PLEC: variants seen among roughly 807,000 people sequenced by gnomAD.
The protein encoded by PLEC is hemidesmosomal protein 1.
In PLEC, 216 loss-of-function variants were observed where a neutral mutation model predicts 392.8. That is an observed-to-expected ratio of 0.55 (90% confidence interval 0.49 to 0.62). PLEC has a LOEUF of 0.62. Among genes scored for constraint, PLEC ranks in the 20% least tolerant of loss-of-function variants. The pLI is 0.00. For missense variants in PLEC, 6,863 were observed against 6,563.4 expected (o/e 1.05, Z -1.58); for synonymous variants, 3,621 against 2,980.6 (o/e 1.21, Z -7.00).
At position 143,936,847 on chromosome 8, in the gene PLEC, A is replaced by G. The variant is rs1454912816; in HGVS notation, c.435+132T>C. 5.5e-6 allele frequency: 4 copies of G among 729,246 alleles called. No individual in the cohort carries two copies. The East Asian group carries it at 7.5e-5, about 14-fold the overall frequency. The allele number at this position is 729,246 out of a possible 1,614,324, so 45.2% of individuals were successfully genotyped here. A position where few individuals can be genotyped will look rare whatever the true frequency, so the allele number is the denominator to read the frequency against. ...GCTGGCAGGAAGGCACCCAGGTGCC[A>G]CCATACCTACGGCGCCAGTCACCTC... On this transcript the variant is annotated intron_variant, in intron 5 of 31. Coordinates refer to ENST00000345136, the MANE Select transcript of PLEC (RefSeq NM_201384.3).
In PLEC at chr8:143,933,071, C is replaced by T. The variant is rs371046649; in HGVS notation, c.1459G>A (p.Glu487Lys). ...CCTGCCTTCAGCCGTAGGTTGTACT[C>T]GGTGCGGATGGCTACCAGGCGCTCG... is the stretch of plus-strand genomic sequence containing the variant. ...LHERLVAIRTEYNLRLKAGVA... is the reference protein window; with the variant it reads ...LHERLVAIRTKYNLRLKAGVA... The change falls in exon 14 of 32, where the codon GAG (glutamate) becomes AAG (lysine). Residue 487 changes from glutamate to lysine, a missense_variant. Physicochemically the swap from Glu to Lys is moderately conservative, Grantham distance 56. Transcript: ENST00000345136. 8.2e-6 allele frequency: 13 copies of T among 1,589,832 alleles called. No individual in the cohort carries two copies. The highest frequency in any genetic ancestry group is 6.8e-5 in the South Asian group (6 of 88,542).
At chr8:143,926,676 TG>T in intron 30 of PLEC, 107 bp downstream of exon 30, 2 of 916,952 alleles carry the variant, frequency 2.2e-6, no homozygotes, top group Non-Finnish European at 1.8e-6. Context: ...GTGGGGAGAG[TG>T]GGGAGGGCCA....
upstream of PLEC, among the ~76,000 whole-genome samples, chr8:143,943,209 C>T (rs1178572711): frequency 2.6e-5 from 4 of 152,228 alleles, no homozygotes; most frequent in African/African-American, 9.6e-5. Flanking sequence ...ATAGGCAGTC[C>T]CTCTGGCCAG....
At chr8:143,956,103 G>T (rs1436268800), upstream of PLEC, among the ~76,000 whole-genome samples, 1 of 151,906 alleles carries the variant, frequency 6.6e-6, no homozygotes, top group East Asian at 1.9e-4. Flanking sequence ...GTGTGCCACC[G>T]CACCGGGCTA....
chr8:143,946,555 CGACTGACGGGTCAGACCAGCCCAGCA>C (rs1831508723), intron 1 of PLEC: 1 of 420,788 alleles, frequency 2.4e-6, no homozygotes, highest in African/African-American at 2.1e-5. Context: ...GAAGCCCAGC[CGACTGACGGGTCAGACCAGCCCAGCA>C]GACCTGCCTG....
rs1169684286 is a variant in PLEC at position 143,944,780 on chromosome 8, C to T, written c.523+5404G>A. ...GGCAGCGTCGGGTGGGAGGAGGGCA[C>T]GGCCGTGCTGCTGTCAGCAGCAGCT... On this transcript the variant is annotated intron_variant, in intron 1 of 31. Coordinates refer to the PLEC transcript ENST00000322810. 1.3e-5 allele frequency: 14 copies of T among 1,111,968 alleles called. No homozygotes were observed. In the East Asian group the frequency reaches 1.6e-4, roughly 13 times the overall value. 68.9% of individuals were successfully genotyped at this position (1,111,968 alleles called of 1,614,324 possible).
upstream of PLEC, among the ~76,000 whole-genome samples, chr8:143,974,201 GC>G (rs1833576555): frequency 6.6e-6 from 1 of 152,218 alleles, no homozygotes; most frequent in African/African-American, 2.4e-5. This position sits in a 1 kb window ranked among gnomAD's most constrained non-coding sequence, Gnocchi z 5.9. Flanking sequence ...AGGACGCAGA[GC>G]CCCGGCGCGG....
upstream of PLEC, chr8:143,954,019 G>T (rs1460331946): frequency 3.3e-6 from 3 of 914,264 alleles, no homozygotes; most frequent in African/African-American, 3.6e-5. The surrounding 1 kb of genome is among the most constrained non-coding windows in gnomAD (Gnocchi z 4.6). Context: ...GCTAACCCCA[G>T]CCAGACTGCC....
chr8:143,968,544 A>T (rs1554743070), intron 1 of PLEC, among the ~76,000 whole-genome samples: 1 of 151,572 alleles, frequency 6.6e-6, no homozygotes, highest in Non-Finnish European at 1.5e-5. Context: ...AAAAAAAAAA[A>T]AAAGACACCA....
upstream of PLEC, chr8:143,943,992 C>A (rs902233906): frequency 7.1e-5 from 109 of 1,524,950 alleles, no homozygotes; most frequent in African/African-American, 1.5e-3. Context: ...CGAGGGGGAG[C>A]GCCGGGACCG....
Position 143,929,734 on chromosome 8 carries a change from G to A in PLEC, c.2835C>T (p.Gly945=), listed in dbSNP as rs781958943. ...CCATCAGCCGGTCCTCGGGTCCGAA[G>A]CCGCCCGCGTCCTGGCTGTCCCGCA... The part of the protein sequence containing the change: ...AFLRDSQDAG[G]FGPEDRLMAE... The change falls in exon 23 of 32, where the codon GGC becomes GGT. Residue 945 remains glycine (G), a synonymous_variant. Transcript: ENST00000345136. 6.3e-7 allele frequency: 1 copy of A among 1,599,470 alleles called. No individual in the cohort carries two copies. The highest frequency in any genetic ancestry group is 8.5e-7 in the Non-Finnish European group (1 of 1,179,104).
At position 143,917,197 on chromosome 8, in the gene PLEC, G is replaced by A; in HGVS notation, c.12624C>T (p.Ala4208=). 1 of 1,612,886 alleles carries A rather than the reference G, an allele frequency of 6.2e-7. No homozygotes were observed. The highest frequency in any genetic ancestry group is 8.5e-7 in the Non-Finnish European group (1 of 1,179,622). ...RSGRQYDIDD[A]IAKNLIDRSA... The stretch of plus-strand genomic sequence containing the variant: ...AGCGGTCGATGAGGTTCTTGGCGAT[G>A]GCATCATCGATGTCGTACTGGCGCC... Residue 4208 remains alanine (A), a synonymous_variant, in exon 32 of 32, where the codon GCC becomes GCT. Transcript: ENST00000345136.
chr8:143,916,528 G>A lies in PLEC; in HGVS notation c.13293C>T (p.Tyr4431=), dbSNP rs2130796709. The A allele has an allele frequency of 1.2e-6, 2 of 1,611,872 alleles. No homozygotes were observed. Among genetic ancestry groups the A allele is most frequent in the East Asian group, 4.5e-5 (2 of 44,820 alleles). Residue 4431 remains tyrosine, a synonymous_variant, in exon 32 of 32, where the codon TAC becomes TAT. Coordinates refer to ENST00000345136, the MANE Select transcript of PLEC (RefSeq NM_201384.3). ...TCTTAGGGCAGGTGAGGTACTTGGA[G>A]TAGGCGCCCACGTCACGCAGCTTCT... is the stretch of plus-strand genomic sequence containing the variant. The part of the protein sequence containing the change: ...TAQKLRDVGA[Y]SKYLTCPKTK...
intron 1 of PLEC, among the ~76,000 whole-genome samples, chr8:143,972,093 C>T (rs1833457096): frequency 6.6e-6 from 1 of 152,232 alleles, no homozygotes; most frequent in South Asian, 2.1e-4. Context: ...ATGAAGAACT[C>T]CAGGAGGAAA....
Position 143,938,626 on chromosome 8 carries a change from C to T in PLEC, c.174+5G>A. 1.2e-6 allele frequency: 2 copies of T among 1,613,752 alleles called. No homozygotes were observed. Among genetic ancestry groups the T allele is most frequent in the Non-Finnish European group, 1.7e-6 (2 of 1,179,856 alleles). On this transcript the variant is annotated splice_donor_5th_base_variant and intron_variant, in intron 2 of 31. Transcript: ENST00000345136. ...CTGTGACACGCACCAGCATGCGCCACCAACCTTGATGAGGTGCTTGTTGAC... is the reference window on the plus strand; with the variant it reads ...CTGTGACACGCACCAGCATGCGCCATCAACCTTGATGAGGTGCTTGTTGAC...
rs1456332085 is a variant in PLEC at position 143,969,632 on chromosome 8, GAAGA to G, written c.70+3767_70+3770del. On this transcript the variant is annotated intron_variant, in intron 1 of 31. Transcript: ENST00000356346. The surrounding 1 kb of genome is among the most constrained non-coding windows in gnomAD (Gnocchi z 5.1). The stretch of plus-strand genomic sequence containing the variant: ...GGTGAGTGGAGGTGAGGCGGTCAGT[GAAGA>G]AAGAAAGAGCGGCCCAGCAGCAGTC... 6.6e-6 allele frequency among the ~76,000 whole-genome samples: 1 copy of G among 151,992 alleles called. No individual in the cohort carries two copies. Among genetic ancestry groups the G allele is most frequent in the South Asian group, 2.1e-4 (1 of 4,812 alleles).
chr8:143,934,568 TC>T (rs1372948559), intron 10 of PLEC, 66 bp downstream of exon 10: 1 of 1,602,596 alleles, frequency 6.2e-7, no homozygotes, highest in Non-Finnish European at 8.5e-7. Flanking sequence ...CCAGGTCGGC[TC>T]CGGAAGAACC....
In PLEC at chr8:143,924,038, T is replaced by C. The variant is rs1554695403; in HGVS notation, c.5891A>G (p.Gln1964Arg). The change falls in exon 31 of 32, where the codon CAG becomes CGG. Residue 1964 changes from glutamine to arginine, a missense_variant. Gln to Arg is a conservative substitution (Grantham distance 43, BLOSUM62 1). Coordinates refer to ENST00000345136, the MANE Select transcript of PLEC (RefSeq NM_201384.3). ...CTGCCTCGCAGCCTCCAGCTCGGCC[T>C]GCTCCTTGCTGCGCAGCGTGTCCTC... Reference protein sequence around the residue: ...NAEDTLRSKEQAELEAARQRQ... With the variant: ...NAEDTLRSKERAELEAARQRQ... 4 of 1,595,098 alleles carry C rather than the reference T, an allele frequency of 2.5e-6. No individual in the cohort carries two copies. Among genetic ancestry groups the C allele is most frequent in the Non-Finnish European group, 2.5e-6 (3 of 1,177,862 alleles).
At chr8:143,926,693 G>C in intron 30 of PLEC, 91 bp downstream of exon 30, 2 of 1,057,538 alleles carry the variant, frequency 1.9e-6, no homozygotes, top group Non-Finnish European at 3.0e-6. Flanking sequence ...GGCCACGAGA[G>C]GTGGCCTCAG....
Sources: allele counts gnomAD v4.1 joint callset (sites outside exome capture counted in the v4.1 genomes callset), GRCh38; gene constraint gnomAD v4.1.1; non-coding constraint Gnocchi (gnomAD v3.1); transcripts MANE v1.5; gene names NCBI Gene and HGNC (gene_info 2026-07-23, HGNC 2026-07-21).